Variants in FOXO1 observed in about 807,000 individuals in gnomAD.
The protein encoded by FOXO1 is forkhead box protein O1.
FOXO1 carries 6 observed loss-of-function variants against 44.1 expected under a neutral mutation model. The observed-to-expected ratio is 0.14, with a 90% CI of 0.07 to 0.27. The LOEUF (loss-of-function observed/expected upper bound fraction) is 0.27, where lower values mean the gene tolerates loss of function less well. Ranked by LOEUF, FOXO1 falls within the 10% of genes least tolerant of loss-of-function variation. The pLI is 1.00. For missense variants in FOXO1, 737 were observed against 888.8 expected (o/e 0.83, Z 2.17); for synonymous variants, 380 against 362.7 (o/e 1.05, Z -0.54).
At chr13:40,643,673 T>G (rs184364113) in intron 1 of FOXO1, among the ~76,000 whole-genome samples, 4 of 152,316 alleles carry the variant, frequency 2.6e-5, no homozygotes, top group African/African-American at 7.2e-5. Flanking sequence ...GATTCTTTCT[T>G]TGGTTCTGAT....
intron 1 of FOXO1, among the ~76,000 whole-genome samples, chr13:40,591,827 G>T (rs1336339647): frequency 1.3e-5 from 2 of 152,042 alleles, no homozygotes; most frequent in African/African-American, 4.8e-5. Context: ...TCAGCCTCCT[G>T]AGTAGCTGAG....
At chr13:40,654,322 T>TAAAAAAAAAAAAAAAAAAA (rs11344939) in intron 1 of FOXO1, among the ~76,000 whole-genome samples, 1 of 48,196 alleles carries the variant, frequency 2.1e-5, no homozygotes, top group African/African-American at 6.6e-5. Flanking sequence ...CTAAAAATAC[T>TAAAAAAAAAAAAAAAAAAA]AAAAAAAAAA....
At chr13:40,634,319 C>A (rs1010741640) in intron 1 of FOXO1, among the ~76,000 whole-genome samples, 1 of 152,264 alleles carries the variant, frequency 6.6e-6, no homozygotes, top group South Asian at 2.1e-4. Flanking sequence ...CAACTGCATA[C>A]AAGAAAATGT....
At chr13:40,664,331 G>A (rs1395556509) in intron 1 of FOXO1, among the ~76,000 whole-genome samples, 1 of 152,104 alleles carries the variant, frequency 6.6e-6, no homozygotes, top group African/African-American at 2.4e-5. Flanking sequence ...TTCCGCCACC[G>A]GTGACAGTGA....
chr13:40,628,294 A>G (rs1876851936), intron 1 of FOXO1, among the ~76,000 whole-genome samples: 1 of 151,870 alleles, frequency 6.6e-6, no homozygotes, highest in South Asian at 2.1e-4. Flanking sequence ...GTCAAAACTT[A>G]CCAAACTGTA....
At chr13:40,584,610 C>G (rs1487797830) in intron 1 of FOXO1, among the ~76,000 whole-genome samples, 1 of 151,770 alleles carries the variant, frequency 6.6e-6, no homozygotes, top group Non-Finnish European at 1.5e-5. Flanking sequence ...GATTGTGCCA[C>G]TGCACTCCAG....
intron 1 of FOXO1, among the ~76,000 whole-genome samples, chr13:40,571,770 G>A (rs1046231012): frequency 5.9e-5 from 9 of 152,096 alleles, no homozygotes; most frequent in African/African-American, 1.7e-4. Flanking sequence ...TGTTTTATAG[G>A]CCATACAATT....
chr13:40,622,501 T>C lies in FOXO1; in HGVS notation c.630+43082A>G, dbSNP rs1876649394. On this transcript the variant is annotated intron_variant, in intron 1 of 2. Coordinates refer to ENST00000379561, the MANE Select transcript of FOXO1 (RefSeq NM_002015.4). ...GTGAACTGGCTGCATCTCCACAACA[T>C]TCTGAGACATCAACTTTGAAATGAT... Among the ~76,000 whole-genome samples, 3 of 152,200 alleles carry C rather than the reference T, an allele frequency of 2.0e-5. 1 individual carries two copies. The highest frequency in any genetic ancestry group is 4.4e-5 in the Non-Finnish European group (3 of 68,034).
intron 1 of FOXO1, among the ~76,000 whole-genome samples, chr13:40,575,279 T>C (rs1244540788): frequency 6.6e-6 from 1 of 152,052 alleles, no homozygotes; most frequent in African/African-American, 2.4e-5. Context: ...AAGTTGAGCC[T>C]GGAATGAGCC....
At chr13:40,604,973 T>C (rs937064551) in intron 1 of FOXO1, among the ~76,000 whole-genome samples, 1 of 152,166 alleles carries the variant, frequency 6.6e-6, no homozygotes, top group Non-Finnish European at 1.5e-5. Flanking sequence ...ACCTGGAATC[T>C]TTGTTTCCAG....
Position 40,559,972 on chromosome 13 carries a change from A to T in FOXO1, c.1519T>A (p.Tyr507Asn). 1 of 1,614,160 alleles carries T rather than the reference A, an allele frequency of 6.2e-7. No homozygotes were observed. The highest frequency in any genetic ancestry group is 8.5e-7 in the Non-Finnish European group (1 of 1,180,036). ...TTGTTATGAGATGCCTGGCTGCCAT[A>T]GGTTGACATGACCGAATTAGGGCCC... ...MMGPNSVMST[Y>N]GSQASHNKMM... is the part of the protein sequence containing the mutation. The change falls in exon 2 of 3, where the codon TAT (tyrosine) becomes AAT (asparagine). Residue 507 changes from tyrosine to asparagine, a missense_variant. By Grantham distance (143) the Tyr-to-Asn change is moderately radical (BLOSUM62 -2). Coordinates refer to ENST00000379561, the MANE Select transcript of FOXO1 (RefSeq NM_002015.4).
At chr13:40,631,831 AGATG>A (rs1876972513) in intron 1 of FOXO1, among the ~76,000 whole-genome samples, 1 of 152,262 alleles carries the variant, frequency 6.6e-6, no homozygotes, top group African/African-American at 2.4e-5. Flanking sequence ...AGAGTTCTGA[AGATG>A]GATGGTGATT....
In FOXO1 at chr13:40,665,799, G is replaced by T. The variant is rs981783725; in HGVS notation, c.414C>A (p.Pro138=). 6 of 1,235,460 alleles carry T rather than the reference G, an allele frequency of 4.9e-6. No individual in the cohort carries two copies. Among genetic ancestry groups the T allele is most frequent in the African/African-American group, 3.1e-5 (2 of 63,724 alleles). The allele number at this position is 1,235,460 out of a possible 1,614,324, so 76.5% of individuals were successfully genotyped here. Residue 138 remains proline (P), a synonymous_variant, in exon 1 of 3, where the codon CCC becomes CCA. Transcript: ENST00000379561. The part of the protein sequence containing the change: ...PGPLSQHPPV[P]PAAAGPLAGQ... The stretch of plus-strand genomic sequence containing the variant: ...CCGCGAGCGGCCCAGCGGCGGCGGG[G>T]GGCACCGGCGGGTGCTGCGACAGCG...
chr13:40,574,384 C>T (rs1298916072), intron 1 of FOXO1, among the ~76,000 whole-genome samples: 2 of 152,128 alleles, frequency 1.3e-5, no homozygotes, highest in African/African-American at 2.4e-5. Flanking sequence ...CTGGTGTCTC[C>T]GTACCAAATA....
intron 1 of FOXO1, among the ~76,000 whole-genome samples, chr13:40,635,307 T>C (rs1877109871): frequency 6.6e-6 from 1 of 152,174 alleles, no homozygotes; most frequent in Admixed American, 6.5e-5. Context: ...CTACTAAGTC[T>C]ACAAGTAATG....
intron 1 of FOXO1, among the ~76,000 whole-genome samples, chr13:40,590,550 A>T (rs1484785648): frequency 6.6e-6 from 1 of 152,210 alleles, no homozygotes; most frequent in African/African-American, 2.4e-5. Context: ...CTGCTGATAT[A>T]CCAAGGATGA....
In FOXO1 at chr13:40,619,411, A is replaced by G. The variant is rs1257091368; in HGVS notation, c.630+46172T>C. On this transcript the variant is annotated intron_variant, in intron 1 of 2. Coordinates refer to ENST00000379561, the MANE Select transcript of FOXO1 (RefSeq NM_002015.4). ...GTTGAACACCTTTCGGGGCACAGGA[A>G]ATGCAACTCAAAGTGGACAAAATGG... 19 of 889,584 alleles carry G rather than the reference A, an allele frequency of 2.1e-5. No homozygotes were observed. In the Admixed American group the frequency reaches 3.3e-4, roughly 16 times the overall value. 55.1% of individuals were successfully genotyped at this position (889,584 alleles called of 1,614,324 possible). A position where few individuals can be genotyped will look rare whatever the true frequency, so the allele number is the denominator to read the frequency against.
intron 1 of FOXO1, among the ~76,000 whole-genome samples, chr13:40,664,921 C>A (rs1878173055): frequency 6.6e-6 from 1 of 151,904 alleles, no homozygotes; most frequent in African/African-American, 2.4e-5. Flanking sequence ...GGTGGCCGCC[C>A]CTTCGCACGT....
In FOXO1 at chr13:40,647,951, G is replaced by C. The variant is rs984474407; in HGVS notation, c.630+17632C>G. Among the ~76,000 whole-genome samples the C allele has an allele frequency of 9.8e-5, 15 of 152,316 alleles. No homozygotes were observed. The South Asian group carries it at 1.7e-3, about 17-fold the overall frequency. On this transcript the variant is annotated intron_variant, in intron 1 of 2. Transcript: ENST00000379561. ...CCTGCAGAGTCTGGTCAAAGCAAGAGTGGTAAGAGTCTCTTTGTCTTTTCC... is the reference window on the plus strand; with the variant it reads ...CCTGCAGAGTCTGGTCAAAGCAAGACTGGTAAGAGTCTCTTTGTCTTTTCC...
Sources: allele counts gnomAD v4.1 joint callset (sites outside exome capture counted in the v4.1 genomes callset), GRCh38; gene constraint gnomAD v4.1.1; transcripts MANE v1.5; gene names NCBI Gene and HGNC (gene_info 2026-07-23, HGNC 2026-07-21).